UGT1A8: variants seen among roughly 807,000 people sequenced by gnomAD.
UGT1A8 encodes UDP glucuronosyltransferase family 1 member A8.
UGT1A8 carries 39 observed loss-of-function variants against 45.3 expected under a neutral mutation model. The ratio of observed to expected loss-of-function variants is 0.86; its 90% CI spans 0.67 to 1.12. The LOEUF (loss-of-function observed/expected upper bound fraction) is 1.12. Ranked by LOEUF, UGT1A8 falls within the 50% of genes most tolerant of loss-of-function variation. The probability of loss-of-function intolerance (pLI) is 0.00; values close to 1 mark genes in which losing one functional copy is unlikely to be tolerated. For missense variants in UGT1A8, 719 were observed against 664.9 expected (o/e 1.08, Z -0.90); for synonymous variants, 275 against 249.2 (o/e 1.10, Z -0.97).
chr2:233,757,535 A>AATATATATACATATACATATATACAT (rs376887521), intron 1 of UGT1A8, among the ~76,000 whole-genome samples: 3 of 88,312 alleles, frequency 3.4e-5, no homozygotes, highest in African/African-American at 1.5e-4. Context: ...GCCTGTAAGG[A>AATATATATACATATACATATATACAT]ATATATATAT....
At chr2:233,643,979 G>T (rs976363623) in intron 1 of UGT1A8, among the ~76,000 whole-genome samples, 2 of 152,100 alleles carry the variant, frequency 1.3e-5, no homozygotes, top group Non-Finnish European at 2.9e-5. Flanking sequence ...GAAGGAAAGG[G>T]TCTCTTTTGG....
At chr2:233,719,518 G>A (rs751977605) in intron 1 of UGT1A8, 2 of 1,613,954 alleles carry the variant, frequency 1.2e-6, no homozygotes, top group Non-Finnish European at 1.7e-6. Context: ...CCTTATGCAA[G>A]TCTTGCCTCT....
At chr2:233,736,641 C>G (rs1209687241) in intron 1 of UGT1A8, among the ~76,000 whole-genome samples, 1 of 152,216 alleles carries the variant, frequency 6.6e-6, no homozygotes, top group Non-Finnish European at 1.5e-5. Context: ...AGTTTCCCCC[C>G]ATCTTTGTGG....
In UGT1A8 at chr2:233,705,303, G is replaced by A. The variant is rs115657033; in HGVS notation, c.856-61731G>A. On this transcript the variant is annotated intron_variant, in intron 1 of 4. Transcript: ENST00000373450. Reference sequence around the variant, plus strand: ...TGAAGAACTTCCTTTAGTATTTCTTGTAAGTTGAGTTTTTCAGCAACACAT... The same window carrying A: ...TGAAGAACTTCCTTTAGTATTTCTTATAAGTTGAGTTTTTCAGCAACACAT... Among the ~76,000 whole-genome samples the A allele has an allele frequency of 8.9e-3, 1,351 of 152,284 alleles. 24 individuals are homozygous for A. Among genetic ancestry groups the A allele is most frequent in the African/African-American group, 0.031 (1,281 of 41,548 alleles).
chr2:233,621,229 A>G (rs777123000), intron 1 of UGT1A8, among the ~76,000 whole-genome samples: 2 of 152,156 alleles, frequency 1.3e-5, no homozygotes, highest in Non-Finnish European at 2.9e-5. Context: ...TCAGTATTCC[A>G]ATGTGTGTGT....
intron 4 of UGT1A8, chr2:233,771,329 T>A (rs751904173): frequency 3.9e-5 from 6 of 152,320 alleles, no homozygotes; most frequent in Middle Eastern, 6.8e-3. Flanking sequence ...TTCAATCTCC[T>A]CTTCATTCCT....
chr2:233,698,999 G>GT (rs1162010332), intron 1 of UGT1A8, among the ~76,000 whole-genome samples: 1 of 152,212 alleles, frequency 6.6e-6, no homozygotes, highest in East Asian at 1.9e-4. Flanking sequence ...GATTCCTGCT[G>GT]TAAGAACATG....
At chr2:233,671,128 G>A (rs1048076128) in intron 1 of UGT1A8, among the ~76,000 whole-genome samples, 2 of 152,208 alleles carry the variant, frequency 1.3e-5, no homozygotes, top group African/African-American at 4.8e-5. Flanking sequence ...GACTGAGAGA[G>A]ACAAGTACAT....
At chr2:233,645,846 G>A (rs2073587464) in intron 1 of UGT1A8, among the ~76,000 whole-genome samples, 1 of 152,178 alleles carries the variant, frequency 6.6e-6, no homozygotes, top group Non-Finnish European at 1.5e-5. Context: ...ACCATTCTGA[G>A]GTGGAGGGAT....
intron 4 of UGT1A8, among the ~76,000 whole-genome samples, chr2:233,768,754 T>C (rs899936789): frequency 6.6e-6 from 1 of 151,960 alleles, no homozygotes; most frequent in Non-Finnish European, 1.5e-5. Context: ...GGTTAATTTT[T>C]GTATTTTTTA....
intron 1 of UGT1A8, chr2:233,712,908 G>A: frequency 2.5e-6 from 4 of 1,610,644 alleles, no homozygotes; most frequent in Non-Finnish European, 3.4e-6. Flanking sequence ...AGGTGTCTCA[G>A]TGACAAGGTA....
chr2:233,690,769 A>G, intron 1 of UGT1A8: 1 of 1,083,992 alleles, frequency 9.2e-7, no homozygotes, highest in Non-Finnish European at 1.1e-6. Flanking sequence ...ATACACACAC[A>G]CACACATACA....
At chr2:233,719,829 G>A (rs899051575) in intron 1 of UGT1A8, 67 of 1,549,978 alleles carry the variant, frequency 4.3e-5, no homozygotes, top group Admixed American at 9.6e-5. Flanking sequence ...ACTGTTGAGG[G>A]GCCTAGTGTA....
rs558234193 is a variant in UGT1A8 at position 233,719,553 on chromosome 2, G to C, written c.856-47481G>C. 7.4e-6 allele frequency: 12 copies of C among 1,613,960 alleles called. No homozygotes were observed. In the South Asian group the frequency reaches 1.2e-4, roughly 16 times the overall value. On this transcript the variant is annotated intron_variant, in intron 1 of 4. Coordinates refer to ENST00000373450, the MANE Select transcript of UGT1A8 (RefSeq NM_019076.5). ...TGAGCTTTTTCAGAGAGAGGTGTCA[G>C]TGGTGGATCTTGTCAGCTATGCATC...
intron 1 of UGT1A8, among the ~76,000 whole-genome samples, chr2:233,742,480 C>T (rs1691993513): frequency 6.6e-6 from 1 of 151,918 alleles, no homozygotes; most frequent in Non-Finnish European, 1.5e-5. Flanking sequence ...AACTCACAAC[C>T]TTCAGCATAG....
chr2:233,657,145 C>T (rs1263223448), intron 1 of UGT1A8, among the ~76,000 whole-genome samples: 1 of 152,160 alleles, frequency 6.6e-6, no homozygotes, highest in East Asian at 1.9e-4. Flanking sequence ...TGGTGATGCC[C>T]TGTGGCCTGC....
In UGT1A8 at chr2:233,668,518, G is replaced by C. The variant is rs749078423; in HGVS notation, c.855+49956G>C. ...GTGAATAGTGCCCCAATAAACATAC[G>C]TGTGCATGTGTCTTTATAGTACCAT... On this transcript the variant is annotated intron_variant, in intron 1 of 4. Transcript: ENST00000373450. Among the ~76,000 whole-genome samples, 9 of 152,242 alleles carry C rather than the reference G, an allele frequency of 5.9e-5. No individual in the cohort carries two copies. The South Asian group carries it at 1.7e-3, about 28-fold the overall frequency.
At chr2:233,734,786 A>T (rs2078566040) in intron 1 of UGT1A8, among the ~76,000 whole-genome samples, 1 of 152,216 alleles carries the variant, frequency 6.6e-6, no homozygotes, top group Non-Finnish European at 1.5e-5. Context: ...GTAGTCATTC[A>T]GGAGCAGGTT....
At position 233,769,327 on chromosome 2, in the gene UGT1A8, G is replaced by C. The variant is rs1477763656; in HGVS notation, c.1295+888G>C. The stretch of plus-strand genomic sequence containing the variant: ...TTACTGTCAAGCTCACTGGTAATAG[G>C]CTTATTAGAACCTTATGGGAAGAAG... On this transcript the variant is annotated intron_variant, in intron 4 of 4. Transcript: ENST00000373450. The surrounding 1 kb of genome is among the most constrained non-coding windows in gnomAD (Gnocchi z 4.4). 6.6e-6 allele frequency among the ~76,000 whole-genome samples: 1 copy of C among 152,234 alleles called. No homozygotes were observed. The highest frequency in any genetic ancestry group is 1.5e-5 in the Non-Finnish European group (1 of 68,042).
Sources: gnomAD v4.1 joint callset for allele counts (sites outside exome capture counted in the v4.1 genomes callset) on GRCh38, gnomAD v4.1.1 for gene constraint, Gnocchi (gnomAD v3.1) non-coding constraint, MANE v1.5 for transcripts, NCBI Gene and HGNC (gene_info 2026-07-23, HGNC 2026-07-21) for gene names.